INSL6: variants seen among roughly 807,000 people sequenced by gnomAD.
INSL6 encodes the protein insulin-like peptide INSL6.
INSL6 carries 16 observed loss-of-function variants against 9.4 expected under a neutral mutation model. The ratio of observed to expected loss-of-function variants is 1.70; its 90% CI spans 1.15 to 2.59. The LOEUF (loss-of-function observed/expected upper bound fraction) is 2.59, where lower values mean the gene tolerates loss of function less well. INSL6 is among the 30% of genes most tolerant of loss of function. The probability of loss-of-function intolerance (pLI) is 0.00; values close to 1 mark genes in which losing one functional copy is unlikely to be tolerated. For missense variants in INSL6, 391 were observed against 257.3 expected, an observed-to-expected ratio of 1.52 and a Z score of -3.56; for synonymous variants, 154 against 96.9, an observed-to-expected ratio of 1.59 and a Z score of -3.46.
chr9:4,992,775 C>T, the INSL6 span, among the ~76,000 whole-genome samples: 1 of 152,198 alleles, frequency 6.6e-6, no homozygotes, highest in African/African-American at 2.4e-5. Context: ...CACAGGTTAT[C>T]TGCAGTAGAC....
At chr9:5,055,884 A>G in the INSL6 span, 4 of 1,132,412 alleles carry the variant, frequency 3.5e-6, no homozygotes, top group Non-Finnish European at 5.0e-6. Context: ...TCTGGTAGGA[A>G]TTTTGATTGT....
the INSL6 span, chr9:5,069,146 A>C: frequency 6.2e-7 from 1 of 1,613,338 alleles, no homozygotes; most frequent in Non-Finnish European, 8.5e-7. Context: ...TACCAGATGG[A>C]AACTGTTCGC....
intron 1 of INSL6, among the ~76,000 whole-genome samples, chr9:5,180,251 T>C (rs1162619206): frequency 6.6e-6 from 1 of 152,206 alleles, no homozygotes; most frequent in Non-Finnish European, 1.5e-5. Context: ...AGGACCACTG[T>C]GATAATTGTG....
the INSL6 span, among the ~76,000 whole-genome samples, chr9:5,051,484 T>A: frequency 1.1e-4 from 16 of 152,158 alleles, no homozygotes; most frequent in Non-Finnish European, 1.5e-4. Context: ...GAGATTTGGA[T>A]TCAGTAAATC....
chr9:5,012,662 T>C, the INSL6 span, among the ~76,000 whole-genome samples: 2 of 152,194 alleles, frequency 1.3e-5, no homozygotes, highest in African/African-American at 2.4e-5. Context: ...TTTAGTAAGA[T>C]TTGTATCTCA....
At chr9:5,010,396 T>C in the INSL6 span, among the ~76,000 whole-genome samples, 1 of 152,094 alleles carries the variant, frequency 6.6e-6, no homozygotes, top group Non-Finnish European at 1.5e-5. Flanking sequence ...ATGACCTCCG[T>C]TGCAACCTCT....
chr9:5,108,030 C>T, the INSL6 span: 1 of 152,102 alleles, frequency 6.6e-6, no homozygotes, highest in African/African-American at 2.4e-5. Flanking sequence ...TTATCAGCCT[C>T]ATCACCCTAT....
At chr9:5,147,027 A>T (rs758452946) in intron 2 of INSL6, among the ~76,000 whole-genome samples, 2 of 152,136 alleles carry the variant, frequency 1.3e-5, no homozygotes, top group Admixed American at 6.5e-5. Context: ...ACCAGGTCCA[A>T]CAGTTTCCCT....
chr9:5,032,142 C>T, the INSL6 span, among the ~76,000 whole-genome samples: 8 of 152,204 alleles, frequency 5.3e-5, no homozygotes, highest in Non-Finnish European at 8.8e-5. Context: ...CACGGAGCCT[C>T]GCTCATTGCT....
At chr9:5,088,454 T>C in the INSL6 span, among the ~76,000 whole-genome samples, 1 of 152,210 alleles carries the variant, frequency 6.6e-6, no homozygotes, top group Non-Finnish European at 1.5e-5. Flanking sequence ...CAAAAACCTA[T>C]ACTTTATTTA....
chr9:4,997,457 G>A, the INSL6 span, among the ~76,000 whole-genome samples: 130 of 152,266 alleles, frequency 8.5e-4, no homozygotes, highest in Non-Finnish European at 1.7e-3. Flanking sequence ...TGGGGAAGGT[G>A]CACACACTTT....
At chr9:5,123,120 C>T (rs772889316), downstream of INSL6, 52 of 1,563,294 alleles carry the variant, frequency 3.3e-5, no homozygotes, top group South Asian at 4.4e-4. Context: ...AGTCCACCAG[C>T]GGTCAGTGTG....
chr9:5,073,934 G>A, the INSL6 span: 4 of 597,200 alleles, frequency 6.7e-6, no homozygotes, highest in Non-Finnish European at 5.9e-6. Flanking sequence ...AACACTGTAG[G>A]ACTATTCAGT....
At chr9:5,081,958 AGTGCTTGT>A in the INSL6 span, 1 of 995,788 alleles carries the variant, frequency 1.0e-6, no homozygotes, top group Admixed American at 2.2e-5. Context: ...CATTTTAAGG[AGTGCTTGT>A]AGAAAAAAAA....
chr9:5,053,430 T>C, the INSL6 span, among the ~76,000 whole-genome samples: 6 of 152,082 alleles, frequency 3.9e-5, no homozygotes, highest in Non-Finnish European at 8.8e-5. Context: ...ATTCTGTGTA[T>C]TGTTATTTTA....
chr9:5,135,347 T>G (rs1444325544), intron 2 of INSL6, among the ~76,000 whole-genome samples: 1 of 151,768 alleles, frequency 6.6e-6, no homozygotes, highest in Non-Finnish European at 1.5e-5. Context: ...AACAGACATC[T>G]ACAGAACTCT....
At chr9:5,149,157 G>A (rs910181105) in intron 2 of INSL6, among the ~76,000 whole-genome samples, 3 of 152,250 alleles carry the variant, frequency 2.0e-5, no homozygotes, top group Middle Eastern at 3.2e-3. Flanking sequence ...CTGTGGGAGT[G>A]TGGGGTCCCC....
chr9:5,086,194 C>G, the INSL6 span: 1 of 539,730 alleles, frequency 1.9e-6, no homozygotes, highest in African/African-American at 2.1e-5. Context: ...AACAGCCGCG[C>G]CGCCCCCGCC....
the INSL6 span, among the ~76,000 whole-genome samples, chr9:5,035,218 C>T: frequency 5.9e-5 from 9 of 152,098 alleles, no homozygotes; most frequent in African/African-American, 2.2e-4. Context: ...CAATAACAGG[C>T]TCTGAAATTG....
Sources: gnomAD v4.1 joint callset for allele counts (sites outside exome capture counted in the v4.1 genomes callset) on GRCh38, gnomAD v4.1.1 for gene constraint, MANE v1.5 for transcripts, NCBI Gene and HGNC (gene_info 2026-07-23, HGNC 2026-07-21) for gene names.